SFTPD: variants seen among roughly 807,000 people sequenced by gnomAD.
The protein encoded by SFTPD is pulmonary surfactant-associated protein D.
In SFTPD, 18 loss-of-function variants were observed where a neutral mutation model predicts 34.6. The observed-to-expected ratio is 0.52, with a 90% CI of 0.36 to 0.77. The LOEUF is 0.77. Ranked by LOEUF, SFTPD falls within the 30% of genes least tolerant of loss-of-function variation. The pLI is 0.00. For missense variants in SFTPD, 433 were observed against 468.9 expected (o/e 0.92, Z 0.71); for synonymous variants, 155 against 180.9 (o/e 0.86, Z 1.15).
At chr10:79,976,805 T>C (rs1430291182) in intron 1 of SFTPD, among the ~76,000 whole-genome samples, 1 of 152,152 alleles carries the variant, frequency 6.6e-6, no homozygotes, top group Non-Finnish European at 1.5e-5. Flanking sequence ...AAATCTCAAG[T>C]TGAATTGTAT....
intron 1 of SFTPD, chr10:79,982,060 G>A (rs983972008): frequency 1.0e-5 from 3 of 299,602 alleles, no homozygotes; most frequent in Non-Finnish European, 1.8e-5. Context: ...TGGACGTGCG[G>A]GGGGTCTCTC....
At chr10:79,953,468 T>G (rs1250520623), upstream of SFTPD, among the ~76,000 whole-genome samples, 1 of 151,846 alleles carries the variant, frequency 6.6e-6, no homozygotes, top group East Asian at 1.9e-4. Context: ...CATTTCATTC[T>G]CTCCTGGTCT....
At chr10:79,959,150 T>G (rs1369145801) in intron 1 of SFTPD, among the ~76,000 whole-genome samples, 1 of 149,780 alleles carries the variant, frequency 6.7e-6, no homozygotes, top group Non-Finnish European at 1.5e-5. Flanking sequence ...AAGCAGTGTG[T>G]AGAGGGAAAT....
At chr10:79,971,396 C>G (rs1218148304) in intron 1 of SFTPD, 1 of 152,070 alleles carries the variant, frequency 6.6e-6, no homozygotes, top group Non-Finnish European at 1.5e-5. Context: ...GAATTTCTTC[C>G]ACTTCAATTT....
In SFTPD at chr10:79,938,128, A is replaced by G; in HGVS notation, c.852T>C (p.Ala284=). 6.2e-7 allele frequency: 1 copy of G among 1,614,118 alleles called. No homozygotes were observed. The highest frequency in any genetic ancestry group is 8.5e-7 in the Non-Finnish European group (1 of 1,179,932). ...FTEAQLLCTQ[A]GGQLASPRSA... ...AGCGTGGAGAGGCCAACTGTCCACCAGCCTGTGTGCACAGCAGCTGTGCCT... is the reference window on the plus strand; with the variant it reads ...AGCGTGGAGAGGCCAACTGTCCACCGGCCTGTGTGCACAGCAGCTGTGCCT... The change falls in exon 8 of 8, where the codon GCT becomes GCC. Residue 284 remains alanine (A), a synonymous_variant. Coordinates refer to ENST00000372292, the MANE Select transcript of SFTPD (RefSeq NM_003019.5).
intron 1 of SFTPD, among the ~76,000 whole-genome samples, chr10:79,947,307 A>G (rs1052742142): frequency 2.6e-5 from 4 of 152,210 alleles, no homozygotes; most frequent in Non-Finnish European, 1.5e-5. Flanking sequence ...GAGGGAACCC[A>G]GGTGAAAGTT....
chr10:79,940,191 A>G (rs991213657), intron 7 of SFTPD, among the ~76,000 whole-genome samples: 1 of 152,220 alleles, frequency 6.6e-6, no homozygotes, highest in African/African-American at 2.4e-5. Flanking sequence ...GTGCAGCAGC[A>G]TCACTGGGGA....
Position 79,947,871 on chromosome 10 carries a change from C to T in SFTPD, c.-4+1195G>A, listed in dbSNP as rs186530354. ...CTGGGACATTAACTGTTTTGGGTAT[C>T]TTTTCTCTCAATGAGAAACCGTAAA... is the stretch of plus-strand genomic sequence containing the variant. On this transcript the variant is annotated intron_variant, in intron 1 of 7. Coordinates refer to ENST00000372292, the MANE Select transcript of SFTPD (RefSeq NM_003019.5). Among the ~76,000 whole-genome samples, 18 of 152,302 alleles carry T rather than the reference C, an allele frequency of 1.2e-4. No individual in the cohort carries two copies. In the East Asian group the frequency reaches 3.1e-3, roughly 26 times the overall value.
At chr10:79,945,722 G>A (rs1230857420) in intron 2 of SFTPD, among the ~76,000 whole-genome samples, 1 of 152,142 alleles carries the variant, frequency 6.6e-6, no homozygotes, top group African/African-American at 2.4e-5. Flanking sequence ...ATCACTGGGT[G>A]GTAGATATCA....
At chr10:79,952,595 A>C (rs1167708325), upstream of SFTPD, among the ~76,000 whole-genome samples, 1 of 152,158 alleles carries the variant, frequency 6.6e-6, no homozygotes, top group African/African-American at 2.4e-5. Flanking sequence ...CCTTCTCCTA[A>C]GAGCTAGACT....
chr10:79,943,488 C>T (rs1842636474), intron 2 of SFTPD, among the ~76,000 whole-genome samples: 1 of 152,170 alleles, frequency 6.6e-6, no homozygotes, highest in Non-Finnish European at 1.5e-5. Flanking sequence ...CTCACACACT[C>T]AGAGCTTTCT....
At chr10:79,964,475 TC>T (rs1156651938) in intron 1 of SFTPD, among the ~76,000 whole-genome samples, 1 of 151,950 alleles carries the variant, frequency 6.6e-6, no homozygotes, top group East Asian at 1.9e-4. Context: ...TCCCACCTAC[TC>T]CCCCACTGAA....
chr10:79,980,126 G>C (rs1282704875), intron 1 of SFTPD, among the ~76,000 whole-genome samples: 1 of 152,140 alleles, frequency 6.6e-6, no homozygotes, highest in Non-Finnish European at 1.5e-5. Flanking sequence ...GTGGTAACCA[G>C]GCAGTAAGTA....
chr10:79,949,202 C>CTTTTTTTTTT (rs1842693799), upstream of SFTPD: 1 of 152,206 alleles, frequency 6.6e-6, no homozygotes, highest in Admixed American at 6.5e-5. Context: ...CAATTTTCTT[C>CTTTTTTTTTT]TTTATTGACT....
At chr10:79,973,603 G>A (rs1375641763) in intron 1 of SFTPD, among the ~76,000 whole-genome samples, 6 of 123,282 alleles carry the variant, frequency 4.9e-5, no homozygotes. Flanking sequence ...AGGCGACAGA[G>A]CAAGACTCTG....
At chr10:79,974,190 C>A (rs1312105476) in intron 1 of SFTPD, among the ~76,000 whole-genome samples, 2 of 152,030 alleles carry the variant, frequency 1.3e-5, no homozygotes, top group Non-Finnish European at 2.9e-5. Context: ...TTTTCTGAGA[C>A]AGAGTCTTGC....
At chr10:79,948,966 A>G (rs776443747) in intron 1 of SFTPD, 100 bp downstream of exon 1, 2 of 152,242 alleles carry the variant, frequency 1.3e-5, no homozygotes, top group Non-Finnish European at 2.9e-5. Flanking sequence ...GAACAGCTAC[A>G]CAGACCCTCC....
At chr10:79,954,085 G>A (rs1198344725), upstream of SFTPD, among the ~76,000 whole-genome samples, 1 of 149,784 alleles carries the variant, frequency 6.7e-6, no homozygotes, top group Non-Finnish European at 1.5e-5. Context: ...TTTTTTCATT[G>A]CCTTTCTGTG....
At position 79,962,126 on chromosome 10, in the gene SFTPD, C is replaced by T. The variant is rs1345428216; in HGVS notation, c.37-15464G>A. 9.0e-5 allele frequency among the ~76,000 whole-genome samples: 11 copies of T among 121,954 alleles called. No homozygotes were observed. In the East Asian group the frequency reaches 2.8e-3, roughly 31 times the overall value. 80.0% of individuals were successfully genotyped at this position (121,954 alleles called of 152,430 possible). On this transcript the variant is annotated intron_variant, in intron 1 of 5. Transcript: ENST00000444384. ...CACATGGACACAGGAAGGGGAACAT[C>T]ACACTGTGGGGACTGTTGTGGGGTG... is the stretch of plus-strand genomic sequence containing the variant.
Sources: gnomAD v4.1 joint callset for allele counts (sites outside exome capture counted in the v4.1 genomes callset) on GRCh38, gnomAD v4.1.1 for gene constraint, MANE v1.5 for transcripts, NCBI Gene and HGNC (gene_info 2026-07-23, HGNC 2026-07-21) for gene names.